The following CDC42SE2 variants were observed in gnomAD, a reference collection of about 807,000 sequenced individuals.
CDC42SE2 encodes CDC42 small effector 2, also known as CDC42 small effector protein 2.
CDC42SE2 carries 3 observed loss-of-function variants against 11.5 expected under a neutral mutation model. That is an observed-to-expected ratio of 0.26 (90% CI 0.12 to 0.67). The LOEUF (loss-of-function observed/expected upper bound fraction) is 0.67. Ranked by LOEUF, CDC42SE2 falls within the 30% of genes least tolerant of loss-of-function variation. CDC42SE2 has a pLI of 0.80. For synonymous variants in CDC42SE2, 33 were observed against 34.8 expected (o/e 0.95, Z 0.18); for missense variants, 82 against 106.8 (o/e 0.77, Z 1.02).
At chr5:131,354,203 A>C (rs115133214) in intron 2 of CDC42SE2, among the ~76,000 whole-genome samples, 5,278 of 152,216 alleles carry the variant, frequency 0.035, 311 homozygotes, top group African/African-American at 0.12. Flanking sequence ...GCGACACTGC[A>C]CTCTAGCCTG....
intron 1 of CDC42SE2, among the ~76,000 whole-genome samples, chr5:131,290,521 C>T (rs1390202409): frequency 7.4e-5 from 9 of 120,830 alleles, no homozygotes; most frequent in Admixed American, 6.6e-4. Flanking sequence ...ATGGCTCTGT[C>T]GCCCAGGCTG....
intron 2 of CDC42SE2, among the ~76,000 whole-genome samples, chr5:131,258,135 T>C (rs1177983801): frequency 6.6e-6 from 1 of 152,182 alleles, no homozygotes; most frequent in African/African-American, 2.4e-5. Context: ...TTGCTTTCCC[T>C]GGGAACACAC....
intron 2 of CDC42SE2, among the ~76,000 whole-genome samples, chr5:131,324,093 C>G (rs1580754259): frequency 6.6e-6 from 1 of 152,064 alleles, no homozygotes; most frequent in South Asian, 2.1e-4. Flanking sequence ...CTTGAAGTTT[C>G]TGAAATTATT....
At chr5:131,331,542 A>G (rs1758419566) in intron 2 of CDC42SE2, among the ~76,000 whole-genome samples, 2 of 152,218 alleles carry the variant, frequency 1.3e-5, no homozygotes, top group Admixed American at 1.3e-4. Context: ...ATATTTGTCA[A>G]AGTATATAGT....
chr5:131,354,041 A>G (rs1375825320), intron 2 of CDC42SE2, among the ~76,000 whole-genome samples: 1 of 152,144 alleles, frequency 6.6e-6, no homozygotes, highest in Admixed American at 6.5e-5. Flanking sequence ...GGAGTTTGAG[A>G]CCAGCCTGGG....
chr5:131,269,396 C>G (rs1476985413), intron 1 of CDC42SE2, among the ~76,000 whole-genome samples: 2 of 152,110 alleles, frequency 1.3e-5, no homozygotes, highest in East Asian at 1.9e-4. Flanking sequence ...TATCTGTTTT[C>G]TTGCTTACCC....
the CDC42SE2 span, among the ~76,000 whole-genome samples, chr5:131,228,967 C>T: frequency 1.2e-4 from 19 of 152,140 alleles, no homozygotes; most frequent in African/African-American, 4.3e-4. Context: ...GCTGTTTAAG[C>T]CATCCAGTGT....
chr5:131,281,771 G>A (rs1757242095), intron 1 of CDC42SE2, among the ~76,000 whole-genome samples: 1 of 152,136 alleles, frequency 6.6e-6, no homozygotes, highest in African/African-American at 2.4e-5. Flanking sequence ...TTGAAATTTA[G>A]ACACACCTCG....
rs944423660 is a variant in CDC42SE2, at chr5:131,299,985, A to G, written c.-454-15991A>G. Reference sequence around the variant, plus strand: ...GTAAAGTTCTCAAATGGTCTATCCTACCCAGCCTGTCACAGTATCTGACAT... The same window carrying G: ...GTAAAGTTCTCAAATGGTCTATCCTGCCCAGCCTGTCACAGTATCTGACAT... On this transcript the variant is annotated intron_variant, in intron 1 of 4. Coordinates refer to ENST00000505065, the MANE Select transcript of CDC42SE2 (RefSeq NM_001375635.1). 3.3e-5 allele frequency among the ~76,000 whole-genome samples: 5 copies of G among 152,276 alleles called. No individual in the cohort carries two copies. In the East Asian group the frequency reaches 5.8e-4, roughly 18 times the overall value.
chr5:131,346,975 A>G (rs1758862799), intron 2 of CDC42SE2, among the ~76,000 whole-genome samples: 1 of 152,180 alleles, frequency 6.6e-6, no homozygotes, highest in Non-Finnish European at 1.5e-5. Context: ...GACACAACAA[A>G]TCTCCGGGAC....
chr5:131,373,136 C>G (rs1004836575), intron 3 of CDC42SE2, among the ~76,000 whole-genome samples: 3 of 152,132 alleles, frequency 2.0e-5, no homozygotes, highest in African/African-American at 7.2e-5. Flanking sequence ...ATATAGTTAT[C>G]TCAACATAAG....
intron 2 of CDC42SE2, among the ~76,000 whole-genome samples, chr5:131,331,474 TTCA>T (rs892991817): frequency 1.3e-5 from 2 of 152,158 alleles, no homozygotes; most frequent in Non-Finnish European, 2.9e-5. Flanking sequence ...GAGCTGTGGG[TTCA>T]TCATTTCCAA....
At chr5:131,271,667 T>A (rs1756997930) in intron 1 of CDC42SE2, among the ~76,000 whole-genome samples, 1 of 152,204 alleles carries the variant, frequency 6.6e-6, no homozygotes, top group Non-Finnish European at 1.5e-5. Flanking sequence ...ATGTCTGCGA[T>A]CTGTAATCCA....
intron 1 of CDC42SE2, among the ~76,000 whole-genome samples, chr5:131,302,765 A>G (rs1757709737): frequency 6.6e-6 from 1 of 151,770 alleles, no homozygotes; most frequent in South Asian, 2.1e-4. Context: ...AATTATTTAC[A>G]AAGTGGTTGT....
At chr5:131,348,637 A>C (rs1443428265) in intron 2 of CDC42SE2, among the ~76,000 whole-genome samples, 1 of 152,186 alleles carries the variant, frequency 6.6e-6, no homozygotes, top group African/African-American at 2.4e-5. Flanking sequence ...ATTGGAAAAA[A>C]CTACTTTAAA....
chr5:131,279,798 A>G (rs889099360), intron 1 of CDC42SE2, among the ~76,000 whole-genome samples: 2 of 152,132 alleles, frequency 1.3e-5, no homozygotes, highest in Non-Finnish European at 2.9e-5. Flanking sequence ...GACTGGGCAC[A>G]GTGGTTGGCT....
At chr5:131,293,145 A>G (rs1215502772) in intron 1 of CDC42SE2, among the ~76,000 whole-genome samples, 2 of 152,102 alleles carry the variant, frequency 1.3e-5, no homozygotes, top group Non-Finnish European at 2.9e-5. Flanking sequence ...CGTGATGGTA[A>G]TAGGAGGTGA....
intron 1 of CDC42SE2, among the ~76,000 whole-genome samples, chr5:131,282,987 G>A (rs1157394518): frequency 5.5e-5 from 8 of 146,438 alleles, no homozygotes; most frequent in African/African-American, 1.0e-4. Context: ...GAGTGCAGTG[G>A]TGCAGTCTCG....
Position 131,359,236 on chromosome 5 carries a change from A to G in CDC42SE2, c.-258A>G, listed in dbSNP as rs1250229715. On this transcript the variant is annotated 5_prime_UTR_variant, in exon 3 of 5. Transcript: ENST00000505065. ...TATCTGTTATAGTCCCTGGGTCAAG[A>G]CAACAATTTTTATACCTTCGTCGTG... 2.2e-5 allele frequency: 11 copies of G among 508,124 alleles called. No homozygotes were observed. Among genetic ancestry groups the G allele is most frequent in the Middle Eastern group, 5.2e-4 (1 of 1,914 alleles). 31.5% of individuals were successfully genotyped at this position (508,124 alleles called of 1,614,324 possible). A position where few individuals can be genotyped will look rare whatever the true frequency, so the allele number is the denominator to read the frequency against.
Sources: allele counts gnomAD v4.1 joint callset (sites outside exome capture counted in the v4.1 genomes callset), GRCh38; gene constraint gnomAD v4.1.1; transcripts MANE v1.5; gene names NCBI Gene and HGNC (gene_info 2026-07-23, HGNC 2026-07-21).